The following OVCH2 variants were observed in gnomAD, a reference collection of about 807,000 sequenced individuals.
OVCH2 encodes ovochymase-2.
OVCH2 carries 88 observed loss-of-function variants against 73.7 expected under a neutral mutation model. The ratio of observed to expected loss-of-function variants is 1.19; its 90% CI spans 1.01 to 1.43. The LOEUF (loss-of-function observed/expected upper bound fraction) is 1.43. Among genes scored for constraint, OVCH2 ranks in the 40% most tolerant of loss-of-function variants. OVCH2 has a pLI of 0.00. For missense variants in OVCH2, 706 were observed against 674.5 expected, an observed-to-expected ratio of 1.05 and a Z score of -0.52; for synonymous variants, 265 against 234.5, an observed-to-expected ratio of 1.13 and a Z score of -1.19.
At chr11:7,697,917 A>G (rs113408662) in intron 8 of OVCH2, among the ~76,000 whole-genome samples, 1 of 152,218 alleles carries the variant, frequency 6.6e-6, no homozygotes, top group Non-Finnish European at 1.5e-5. Context: ...ATCGTATCCA[A>G]ACTTTTTTGG....
chr11:7,683,716 T>A, the OVCH2 span, among the ~76,000 whole-genome samples: 14,555 of 152,188 alleles, frequency 0.096, 806 homozygotes, highest in Admixed American at 0.15. Flanking sequence ...CTCATGACTC[T>A]CCAGACATAA....
downstream of OVCH2, among the ~76,000 whole-genome samples, chr11:7,686,116 AT>A (rs1250068320): frequency 2.6e-5 from 4 of 152,248 alleles, no homozygotes; most frequent in Non-Finnish European, 1.5e-5. Flanking sequence ...CTTACACCGA[AT>A]ATACCCACCT....
At chr11:7,679,491 A>G in the OVCH2 span, among the ~76,000 whole-genome samples, 59 of 152,270 alleles carry the variant, frequency 3.9e-4, no homozygotes, top group African/African-American at 1.3e-3. Flanking sequence ...TGCTGTTCTC[A>G]TAATAGTGAG....
chr11:7,683,908 T>C, the OVCH2 span, among the ~76,000 whole-genome samples: 1 of 152,124 alleles, frequency 6.6e-6, no homozygotes, highest in African/African-American at 2.4e-5. Context: ...ACCATACTTT[T>C]TTTTACAATT....
the OVCH2 span, among the ~76,000 whole-genome samples, chr11:7,680,148 C>T: frequency 6.6e-6 from 1 of 152,198 alleles, no homozygotes. Context: ...CATAGCCAAT[C>T]AGTCAGAAAT....
the OVCH2 span, among the ~76,000 whole-genome samples, chr11:7,678,821 A>G: frequency 6.6e-6 from 1 of 152,090 alleles, no homozygotes; most frequent in South Asian, 2.1e-4. Context: ...GGACTGAAAA[A>G]CTACTTATTG....
chr11:7,702,064 T>C, intron 4 of OVCH2, 93 bp downstream of exon 4: 1 of 1,190,010 alleles, frequency 8.4e-7, no homozygotes. Flanking sequence ...TCAAAGTGCA[T>C]GACCCAGAAC....
Position 7,701,581 on chromosome 11 carries a change from G to A in OVCH2, c.560-106C>T, listed in dbSNP as rs1184365893. 14 of 1,482,324 alleles carry A rather than the reference G, an allele frequency of 9.4e-6. No homozygotes were observed. The South Asian group carries it at 1.0e-4, about 11-fold the overall frequency. 91.8% of individuals were successfully genotyped at this position (1,482,324 alleles called of 1,614,324 possible). A position where few individuals can be genotyped will look rare whatever the true frequency, so the allele number is the denominator to read the frequency against. ...CGCTTGGCAAGACTTGAATTTCTAAGTACAATGTGACATTCCCTATCTTTA... is the reference window on the plus strand; with the variant it reads ...CGCTTGGCAAGACTTGAATTTCTAAATACAATGTGACATTCCCTATCTTTA... On this transcript the variant is annotated intron_variant, in intron 5 of 15. Coordinates refer to ENST00000533663, the MANE Select transcript of OVCH2 (RefSeq NM_198185.7).
At chr11:7,691,433 C>T (rs1218676197) in intron 13 of OVCH2, 33 bp from the exon 14 acceptor site, 1 of 1,590,906 alleles carries the variant, frequency 6.3e-7, no homozygotes, top group Non-Finnish European at 8.6e-7. Flanking sequence ...ATGACATTGT[C>T]AAGCACCCAG....
chr11:7,694,994 T>C, intron 12 of OVCH2, 64 bp downstream of exon 12: 1 of 1,502,796 alleles, frequency 6.7e-7, no homozygotes, highest in Non-Finnish European at 9.0e-7. Context: ...TCTGACCTCA[T>C]GGTGCTTATG....
At chr11:7,692,680 TG>T (rs1225079949) in intron 12 of OVCH2, among the ~76,000 whole-genome samples, 1 of 152,220 alleles carries the variant, frequency 6.6e-6, no homozygotes, top group African/African-American at 2.4e-5. Flanking sequence ...AATCCTTGTA[TG>T]AGTTAGAGAG....
At position 7,700,310 on chromosome 11, in the gene OVCH2, T is replaced by G. The variant is rs1856410999; in HGVS notation, c.887A>C (p.Glu296Ala). 1 of 1,613,662 alleles carries G rather than the reference T, an allele frequency of 6.2e-7. No individual in the cohort carries two copies. Among genetic ancestry groups the G allele is most frequent in the Non-Finnish European group, 8.5e-7 (1 of 1,179,808 alleles). The change falls in exon 7 of 16, where the codon GAA becomes GCA. Residue 296 changes from glutamate to alanine, a missense_variant. Coordinates refer to ENST00000533663, the MANE Select transcript of OVCH2 (RefSeq NM_198185.7). Reference protein sequence around the residue: ...DISKVLPWIHEHIQTGNRRKS... With the variant: ...DISKVLPWIHAHIQTGNRRKS... ...GGCTTAGTTACCAGTTTGGATGTGTTCGTGGATCCAGGGAAGCACTTTACT... is the reference window on the plus strand; with the variant it reads ...GGCTTAGTTACCAGTTTGGATGTGTGCGTGGATCCAGGGAAGCACTTTACT...
chr11:7,697,379 G>C (rs970706534), intron 8 of OVCH2, among the ~76,000 whole-genome samples: 40 of 152,114 alleles, frequency 2.6e-4, no homozygotes, highest in African/African-American at 9.4e-4. Context: ...TATTCTATAA[G>C]TGCAGGTATT....
chr11:7,698,793 A>T lies in OVCH2; in HGVS notation c.902-20T>A. 1.2e-6 allele frequency: 2 copies of T among 1,612,158 alleles called. No homozygotes were observed. Among genetic ancestry groups the T allele is most frequent in the Non-Finnish European group, 1.7e-6 (2 of 1,179,210 alleles). ...GATTACCTGGGAAAGGAAAAGAAGG[A>T]TGCAATTGAAAGCCTGTGGTATCCT... On this transcript the variant is annotated intron_variant, in intron 7 of 15. Coordinates refer to ENST00000533663, the MANE Select transcript of OVCH2 (RefSeq NM_198185.7).
At chr11:7,682,836 C>A in the OVCH2 span, among the ~76,000 whole-genome samples, 1 of 152,152 alleles carries the variant, frequency 6.6e-6, no homozygotes, top group Non-Finnish European at 1.5e-5. Context: ...TTCCTAGTTA[C>A]GACAAGATTC....
chr11:7,701,790 CAT>C lies in OVCH2; in HGVS notation c.483_484del (p.Ile161MetfsTer10), dbSNP rs1353667595. 3.7e-6 allele frequency: 6 copies of C among 1,611,860 alleles called. No individual in the cohort carries two copies. Among genetic ancestry groups the C allele is most frequent in the Non-Finnish European group, 5.1e-6 (6 of 1,179,176 alleles). On this transcript the variant is annotated frameshift_variant, in exon 5 of 16. Transcript: ENST00000533663. LOFTEE classifies it high-confidence loss of function. ...AAATTGCTCCCGCAGCTCTGGAAGA[CAT>C]ATGGGCCCCACAAAGTGGCCTGAAG...
Position 7,689,983 on chromosome 11 carries a change from T to A in OVCH2, c.1670A>T (p.Glu557Val). ...TGTCTCCAGAAACATTGATTCATCC[T>A]CTGATATGGAGATGTTTAAATCTGG... ...VYPDLNISIS[E>V]DESMFLET Residue 557 changes from glutamate (E) to valine (V), a missense_variant, in exon 15 of 16, where the codon GAG becomes GTG. Physicochemically the swap from Glu to Val is moderately radical, Grantham distance 121. Coordinates refer to ENST00000533663, the MANE Select transcript of OVCH2 (RefSeq NM_198185.7). 7.9e-6 allele frequency: 12 copies of A among 1,527,054 alleles called. No individual in the cohort carries two copies. The highest frequency in any genetic ancestry group is 9.7e-6 in the Non-Finnish European group (11 of 1,138,774). The allele number at this position is 1,527,054 out of a possible 1,614,324, so 94.6% of individuals were successfully genotyped here. A position where few individuals can be genotyped will look rare whatever the true frequency, so the allele number is the denominator to read the frequency against.
At chr11:7,692,588 A>G (rs1856242589) in intron 12 of OVCH2, among the ~76,000 whole-genome samples, 1 of 152,248 alleles carries the variant, frequency 6.6e-6, no homozygotes. Flanking sequence ...AAAACAAAGT[A>G]TCATCTGAGC....
At chr11:7,706,010 G>A (rs1856523333) in intron 1 of OVCH2, among the ~76,000 whole-genome samples, 1 of 152,116 alleles carries the variant, frequency 6.6e-6, no homozygotes, top group South Asian at 2.1e-4. Context: ...ACCAAGATGG[G>A]ATTATGTAAT....
Sources: allele counts gnomAD v4.1 joint callset (sites outside exome capture counted in the v4.1 genomes callset), GRCh38; gene constraint gnomAD v4.1.1; transcripts MANE v1.5; gene names NCBI Gene and HGNC (gene_info 2026-07-23, HGNC 2026-07-21).